Variants in CNTNAP2 observed in about 807,000 individuals in gnomAD.
CNTNAP2 encodes the protein contactin associated protein 2, also known as contactin-associated protein-like 2.
CNTNAP2 carries 98 observed loss-of-function variants against 155.2 expected under a neutral mutation model. The ratio of observed to expected loss-of-function variants is 0.63; its 90% CI spans 0.54 to 0.75. The LOEUF (loss-of-function observed/expected upper bound fraction) is 0.75, where lower values mean the gene tolerates loss of function less well. Among genes scored for constraint, CNTNAP2 ranks in the 30% least tolerant of loss-of-function variants. The pLI, the probability that CNTNAP2 is intolerant of heterozygous loss-of-function variation, is 0.00. For missense variants in CNTNAP2, 1,727 were observed against 1,688.1 expected, an observed-to-expected ratio of 1.02 and a Z score of -0.40; for synonymous variants, 651 against 631.2, an observed-to-expected ratio of 1.03 and a Z score of -0.47.
At chr7:146,703,848 G>T (rs1281303339) in intron 1 of CNTNAP2, among the ~76,000 whole-genome samples, 1 of 152,090 alleles carries the variant, frequency 6.6e-6, no homozygotes, top group Non-Finnish European at 1.5e-5. Context: ...TTGAACCATA[G>T]CACTTCATTC....
At chr7:146,960,238 C>A (rs1391002122) in intron 3 of CNTNAP2, among the ~76,000 whole-genome samples, 1 of 152,178 alleles carries the variant, frequency 6.6e-6, no homozygotes, top group Non-Finnish European at 1.5e-5. Context: ...CCATTCAGGT[C>A]CAAAATGCAC....
intron 1 of CNTNAP2, among the ~76,000 whole-genome samples, chr7:146,127,016 C>G (rs1797647332): frequency 6.6e-6 from 1 of 152,136 alleles, no homozygotes; most frequent in South Asian, 2.1e-4. Flanking sequence ...TCCCAAAACA[C>G]AAATCTTGTT....
At chr7:147,067,168 G>A (rs1185324427) in intron 4 of CNTNAP2, among the ~76,000 whole-genome samples, 2 of 151,972 alleles carry the variant, frequency 1.3e-5, no homozygotes, top group East Asian at 1.9e-4. Context: ...GCACACACCT[G>A]TAATCTCAGC....
intron 1 of CNTNAP2, among the ~76,000 whole-genome samples, chr7:146,754,147 T>C (rs1801951934): frequency 6.6e-6 from 1 of 151,994 alleles, no homozygotes; most frequent in Admixed American, 6.6e-5. Flanking sequence ...TTGATTCCCT[T>C]AAGGCAACCA....
chr7:146,497,988 T>C (rs899679447), intron 1 of CNTNAP2, among the ~76,000 whole-genome samples: 7 of 151,760 alleles, frequency 4.6e-5, no homozygotes, highest in African/African-American at 1.7e-4. Context: ...TAAAGTACTG[T>C]ACTGGAGTTG....
At chr7:146,745,706 C>T (rs370687055) in intron 1 of CNTNAP2, among the ~76,000 whole-genome samples, 1 of 145,792 alleles carries the variant, frequency 6.9e-6, no homozygotes, top group Non-Finnish European at 1.5e-5. Context: ...GTGGAGATTG[C>T]AGTAAACTGA....
chr7:146,664,014 T>A (rs1349553964), intron 1 of CNTNAP2, among the ~76,000 whole-genome samples: 1 of 152,178 alleles, frequency 6.6e-6, no homozygotes, highest in Non-Finnish European at 1.5e-5. Flanking sequence ...AGATACTGTT[T>A]ATCAGGTTGA....
intron 13 of CNTNAP2, chr7:147,672,890 G>A (rs938297092): frequency 1.3e-5 from 2 of 151,976 alleles, no homozygotes; most frequent in East Asian, 3.9e-4. Flanking sequence ...GATTGCAGCT[G>A]GATTCAAGGA....
At chr7:146,514,642 G>T (rs1797514608) in intron 1 of CNTNAP2, among the ~76,000 whole-genome samples, 1 of 151,340 alleles carries the variant, frequency 6.6e-6, no homozygotes, top group African/African-American at 2.4e-5. Context: ...GTGTTTTCTG[G>T]GAGCTCATCA....
intron 13 of CNTNAP2, among the ~76,000 whole-genome samples, chr7:147,662,962 T>C (rs1382069514): frequency 1.3e-5 from 2 of 152,166 alleles, no homozygotes; most frequent in African/African-American, 4.8e-5. Context: ...GAGCGTGATT[T>C]TTTTTGTCTC....
chr7:147,974,362 C>T (rs1042247550), intron 14 of CNTNAP2, among the ~76,000 whole-genome samples: 19 of 152,238 alleles, frequency 1.2e-4, no homozygotes, highest in Middle Eastern at 3.4e-3. Flanking sequence ...GTAATCCCAG[C>T]ACTTTGGGAG....
intron 1 of CNTNAP2, among the ~76,000 whole-genome samples, chr7:146,618,045 A>C (rs1212575398): frequency 2.0e-5 from 3 of 152,174 alleles, no homozygotes; most frequent in Non-Finnish European, 4.4e-5. Context: ...AGAAAAATAA[A>C]GAAAATTGGA....
At chr7:148,280,363 C>A (rs775898005) in intron 21 of CNTNAP2, among the ~76,000 whole-genome samples, 14 of 151,490 alleles carry the variant, frequency 9.2e-5, no homozygotes, top group Non-Finnish European at 1.0e-4. Flanking sequence ...TATTCATTAT[C>A]CTGACTATGG....
rs538971269 is a variant in CNTNAP2 at position 146,836,887 on chromosome 7, G to A, written c.209-2824G>A. On this transcript the variant is annotated intron_variant, in intron 2 of 23. Transcript: ENST00000361727. ...ATTTTTGCTGGACATAGAATTTCAGGTTGCCAGCTTTTTTTTTATCTTTCC... is the reference window on the plus strand; with the variant it reads ...ATTTTTGCTGGACATAGAATTTCAGATTGCCAGCTTTTTTTTTATCTTTCC... 2.2e-4 allele frequency among the ~76,000 whole-genome samples: 34 copies of A among 151,872 alleles called. 1 individual carries two copies. Among genetic ancestry groups the A allele is most frequent in the Middle Eastern group, 3.4e-3 (1 of 292 alleles).
At chr7:146,750,712 T>G (rs1345390622) in intron 1 of CNTNAP2, among the ~76,000 whole-genome samples, 2 of 152,348 alleles carry the variant, frequency 1.3e-5, no homozygotes, top group East Asian at 1.9e-4. Context: ...TTCTGCTGAC[T>G]TTTGAGAGGT....
intron 3 of CNTNAP2, among the ~76,000 whole-genome samples, chr7:146,971,897 G>A (rs759058655): frequency 1.3e-5 from 2 of 152,028 alleles, no homozygotes; most frequent in South Asian, 2.1e-4. Flanking sequence ...CTTATCTAAC[G>A]CTCTGTTTTA....
intron 15 of CNTNAP2, among the ~76,000 whole-genome samples, chr7:148,054,298 T>C (rs1203629886): frequency 6.6e-6 from 1 of 152,048 alleles, no homozygotes; most frequent in Non-Finnish European, 1.5e-5. Flanking sequence ...AGCTCTGGGA[T>C]TGTGGACAAT....
intron 4 of CNTNAP2, among the ~76,000 whole-genome samples, chr7:147,067,891 A>C (rs571309042): frequency 6.6e-6 from 1 of 152,278 alleles, no homozygotes; most frequent in African/African-American, 2.4e-5. Flanking sequence ...CAATTTCCAC[A>C]AACTTATGCC....
At chr7:147,704,058 T>C (rs1158727106) in intron 13 of CNTNAP2, among the ~76,000 whole-genome samples, 1 of 152,172 alleles carries the variant, frequency 6.6e-6, no homozygotes, top group Admixed American at 6.5e-5. Flanking sequence ...TATTGCCAAA[T>C]ATTAGGTTGG....
Sources: gnomAD v4.1 joint callset for allele counts (sites outside exome capture counted in the v4.1 genomes callset) on GRCh38, gnomAD v4.1.1 for gene constraint, MANE v1.5 for transcripts, NCBI Gene and HGNC (gene_info 2026-07-23, HGNC 2026-07-21) for gene names.